CYRIB: variants seen among roughly 807,000 people sequenced by gnomAD.
CYRIB encodes the protein CYFIP related Rac1 interactor B.
CYRIB carries 8 observed loss-of-function variants against 44.2 expected under a neutral mutation model. That is an observed-to-expected ratio of 0.18 (90% CI 0.11 to 0.33). CYRIB has a LOEUF of 0.33. CYRIB is among the 10% of genes least tolerant of loss of function. The probability of loss-of-function intolerance (pLI) is 1.00; values close to 1 mark genes in which losing one functional copy is unlikely to be tolerated. For synonymous variants in CYRIB, 131 were observed against 127.2 expected (o/e 1.03, Z -0.20); for missense variants, 185 against 382.8 (o/e 0.48, Z 4.31).
At chr8:130,004,758 G>C (rs906735245) in intron 1 of CYRIB, among the ~76,000 whole-genome samples, 2 of 150,022 alleles carry the variant, frequency 1.3e-5, no homozygotes, top group South Asian at 4.2e-4. Flanking sequence ...GAGATTGTCA[G>C]GAATTTTTTT....
chr8:129,980,516 G>A (rs915118275), intron 1 of CYRIB, among the ~76,000 whole-genome samples: 2 of 152,014 alleles, frequency 1.3e-5, no homozygotes, highest in African/African-American at 4.8e-5. Flanking sequence ...TAAACAATAT[G>A]CGCTGGGCGT....
At chr8:129,849,982 C>CTA (rs1408678269) in intron 9 of CYRIB, 3 of 152,330 alleles carry the variant, frequency 2.0e-5, no homozygotes, top group African/African-American at 7.2e-5. Flanking sequence ...GAACTTTTAT[C>CTA]TATATATAGA....
chr8:129,851,095 A>T, intron 8 of CYRIB, 181 bp from the exon 11 acceptor site: 1 of 573,690 alleles, frequency 1.7e-6, no homozygotes, highest in Non-Finnish European at 3.1e-6. Context: ...TACAGCTATG[A>T]GCAAGACAGC....
rs547549231 is a variant in CYRIB, at chr8:129,894,752, T to C, written c.-11+8560A>G. 4.6e-4 allele frequency among the ~76,000 whole-genome samples: 70 copies of C among 152,144 alleles called. No individual in the cohort carries two copies. The South Asian group carries it at 0.01, about 22-fold the overall frequency. ...GCATCATAATTTCTTATTTTATTTT[T>C]GCTACTCTGTTCTCTCCCTTGTTCC... On this transcript the variant is annotated intron_variant, in intron 2 of 11. Coordinates refer to ENST00000519824, the Ensembl canonical transcript of CYRIB.
In CYRIB at chr8:129,933,270, C is replaced by T. The variant is rs1048483969; in HGVS notation, c.-50+6338G>A. ...ATCCCTCTCTGCTCCTACCCCCAAACTCTTCTGCTTTAATGAGCAAGATGG... is the reference window on the plus strand; with the variant it reads ...ATCCCTCTCTGCTCCTACCCCCAAATTCTTCTGCTTTAATGAGCAAGATGG... On this transcript the variant is annotated intron_variant, in intron 1 of 11. Coordinates refer to ENST00000519824, the Ensembl canonical transcript of CYRIB. 2.6e-5 allele frequency among the ~76,000 whole-genome samples: 4 copies of T among 152,190 alleles called. No individual in the cohort carries two copies. In the East Asian group the frequency reaches 5.8e-4, roughly 22 times the overall value.
At chr8:129,943,766 C>T (rs1277372555), upstream of CYRIB, among the ~76,000 whole-genome samples, 1 of 150,662 alleles carries the variant, frequency 6.6e-6, no homozygotes, top group East Asian at 2.0e-4. Flanking sequence ...GCCCGGCTAA[C>T]TTTTTTGTAT....
At chr8:129,954,347 C>G (rs1006488319) in intron 2 of CYRIB, among the ~76,000 whole-genome samples, 1 of 152,088 alleles carries the variant, frequency 6.6e-6, no homozygotes, top group Non-Finnish European at 1.5e-5. Context: ...CTCAGCCTCC[C>G]GAATAGCTGG....
At chr8:129,971,381 C>T (rs188200222) in intron 1 of CYRIB, among the ~76,000 whole-genome samples, 86 of 152,276 alleles carry the variant, frequency 5.6e-4, no homozygotes, top group African/African-American at 2.0e-3. Flanking sequence ...CATGAACCAC[C>T]GCACCCAGCC....
At chr8:129,943,229 CGTT>C (rs2093868099), upstream of CYRIB, among the ~76,000 whole-genome samples, 1 of 151,950 alleles carries the variant, frequency 6.6e-6, no homozygotes, top group Admixed American at 6.6e-5. Flanking sequence ...AAGCATGACT[CGTT>C]GTAATTCAGA....
At chr8:129,929,523 C>A (rs111583351) in intron 1 of CYRIB, among the ~76,000 whole-genome samples, 1 of 151,818 alleles carries the variant, frequency 6.6e-6, no homozygotes, top group African/African-American at 2.4e-5. Context: ...TAAAGTATAC[C>A]TCAATAAAAT....
At chr8:129,921,425 G>GTT (rs1305580729) in intron 1 of CYRIB, among the ~76,000 whole-genome samples, 1 of 152,012 alleles carries the variant, frequency 6.6e-6, no homozygotes, top group Non-Finnish European at 1.5e-5. Context: ...GAAAAGTTTT[G>GTT]GGCAACCAGA....
intron 1 of CYRIB, among the ~76,000 whole-genome samples, chr8:129,911,953 A>C (rs2078263676): frequency 6.6e-6 from 1 of 152,204 alleles, no homozygotes; most frequent in Non-Finnish European, 1.5e-5. Context: ...CAGGTGCTGC[A>C]ATCGTGCTAA....
chr8:129,870,302 T>C (rs1418129339), intron 4 of CYRIB, among the ~76,000 whole-genome samples: 3 of 152,134 alleles, frequency 2.0e-5, no homozygotes, highest in Admixed American at 2.0e-4. Context: ...GCCAGCTACT[T>C]GGGCGACTGA....
intron 1 of CYRIB, among the ~76,000 whole-genome samples, chr8:129,999,042 G>C (rs886203871): frequency 2.0e-5 from 3 of 151,834 alleles, no homozygotes; most frequent in Non-Finnish European, 2.9e-5. Flanking sequence ...TTCTTCCCTC[G>C]CATCTATTCA....
At chr8:129,918,646 T>C (rs2081987512) in intron 1 of CYRIB, among the ~76,000 whole-genome samples, 1 of 152,196 alleles carries the variant, frequency 6.6e-6, no homozygotes, top group Non-Finnish European at 1.5e-5. Context: ...ATCAAAACGC[T>C]GGACCCTTTC....
chr8:129,956,839 CCT>C lies in CYRIB; in HGVS notation c.-243+14102_-243+14103del, dbSNP rs556931997. The stretch of plus-strand genomic sequence containing the variant: ...CTCCTCCCTCCCTCCCTCCCCCCAG[CCT>C]CTCTTTCTTTCTTTCTTTCTTGGCT... On this transcript the variant is annotated intron_variant, in intron 2 of 14. Coordinates refer to the CYRIB transcript ENST00000401979. 2.9e-5 allele frequency among the ~76,000 whole-genome samples: 4 copies of C among 138,778 alleles called. No homozygotes were observed. The South Asian group carries it at 1.1e-3, about 39-fold the overall frequency. The allele number at this position is 138,778 out of a possible 152,430, so 91.0% of individuals were successfully genotyped here.
intron 11 of CYRIB, among the ~76,000 whole-genome samples, chr8:129,845,334 G>A (rs1283882686): frequency 6.6e-6 from 1 of 152,164 alleles, no homozygotes; most frequent in African/African-American, 2.4e-5. Context: ...AAAGTCTTGG[G>A]AGAAAAATCA....
intron 2 of CYRIB, among the ~76,000 whole-genome samples, chr8:129,888,056 A>G (rs1294710854): frequency 1.3e-5 from 2 of 152,132 alleles, no homozygotes; most frequent in Non-Finnish European, 2.9e-5. Flanking sequence ...AGGGGCCAGG[A>G]ACAGAATGAT....
intron 1 of CYRIB, among the ~76,000 whole-genome samples, chr8:129,983,419 A>T (rs1467424679): frequency 2.0e-5 from 3 of 152,190 alleles, no homozygotes; most frequent in Non-Finnish European, 2.9e-5. Context: ...CACTCCAGCC[A>T]GGGCGACAGA....
Sources: allele counts gnomAD v4.1 joint callset (sites outside exome capture counted in the v4.1 genomes callset), GRCh38; gene constraint gnomAD v4.1.1; transcripts MANE v1.5; gene names NCBI Gene and HGNC (gene_info 2026-07-23, HGNC 2026-07-21).